HSD17B12: variants seen among roughly 807,000 people sequenced by gnomAD.
The protein encoded by HSD17B12 is hydroxysteroid 17-beta dehydrogenase 12.
HSD17B12 carries 32 observed loss-of-function variants against 39.3 expected under a neutral mutation model. The observed-to-expected ratio is 0.81, with a 90% CI of 0.61 to 1.09. HSD17B12 has a LOEUF of 1.09. Among genes scored for constraint, HSD17B12 ranks in the 50% least tolerant of loss-of-function variants. The pLI is 0.00. For synonymous variants in HSD17B12, 150 were observed against 146.7 expected (o/e 1.02, Z -0.16); for missense variants, 342 against 382.9 (o/e 0.89, Z 0.89).
chr11:43,718,778 C>T (rs1950149319), intron 1 of HSD17B12: 2 of 1,148,612 alleles, frequency 1.7e-6, no homozygotes, highest in East Asian at 2.3e-5. Flanking sequence ...TGTTCACAGC[C>T]ACAAAAAAAA....
At chr11:43,760,803 C>G (rs1427665910) in intron 3 of HSD17B12, among the ~76,000 whole-genome samples, 1 of 152,150 alleles carries the variant, frequency 6.6e-6, no homozygotes, top group Non-Finnish European at 1.5e-5. Flanking sequence ...TCTAATAAAA[C>G]TAAAACCACA....
chr11:43,692,919 G>A (rs116916353), intron 1 of HSD17B12, among the ~76,000 whole-genome samples: 6 of 152,036 alleles, frequency 3.9e-5, no homozygotes, highest in Non-Finnish European at 7.4e-5. Context: ...TTTGCTTCAT[G>A]GAAATAAATG....
intron 9 of HSD17B12, among the ~76,000 whole-genome samples, chr11:43,848,159 T>C (rs1339290292): frequency 6.6e-6 from 1 of 152,200 alleles, no homozygotes; most frequent in African/African-American, 2.4e-5. Context: ...GGGAGAGTTA[T>C]AAAGCAATAT....
At chr11:43,850,278 T>A (rs1344933709) in intron 9 of HSD17B12, among the ~76,000 whole-genome samples, 1 of 152,184 alleles carries the variant, frequency 6.6e-6, no homozygotes, top group African/African-American at 2.4e-5. Flanking sequence ...GGTGTATAAT[T>A]ATTTAAGTTT....
chr11:43,624,071 C>T, the HSD17B12 span, among the ~76,000 whole-genome samples: 3 of 151,890 alleles, frequency 2.0e-5, no homozygotes, highest in South Asian at 4.2e-4. Context: ...AAAAAATCTT[C>T]TACCTAAAAA....
chr11:43,730,336 T>C (rs1260543238), intron 1 of HSD17B12, among the ~76,000 whole-genome samples: 1 of 152,218 alleles, frequency 6.6e-6, no homozygotes, highest in Non-Finnish European at 1.5e-5. Flanking sequence ...TAAAAAGATT[T>C]ATCTGGAAGT....
chr11:43,610,799 A>G, the HSD17B12 span, among the ~76,000 whole-genome samples: 1 of 152,142 alleles, frequency 6.6e-6, no homozygotes, highest in Non-Finnish European at 1.5e-5. Flanking sequence ...CATCAGTGGA[A>G]TGTGTGTGTG....
At chr11:43,575,471 A>T in the HSD17B12 span, among the ~76,000 whole-genome samples, 1 of 152,228 alleles carries the variant, frequency 6.6e-6, no homozygotes, top group African/African-American at 2.4e-5. The surrounding 1 kb of genome is among the most constrained non-coding windows in gnomAD (Gnocchi z 4.1). Flanking sequence ...GAGCGTGTGC[A>T]CGGCCGAGTT....
chr11:43,802,004 G>A (rs1366713861), intron 4 of HSD17B12, among the ~76,000 whole-genome samples: 1 of 147,328 alleles, frequency 6.8e-6, no homozygotes, highest in African/African-American at 2.5e-5. Flanking sequence ...TTTATTTTTT[G>A]AGACAGAGTC....
At chr11:43,695,573 C>A (rs372426095) in intron 1 of HSD17B12, among the ~76,000 whole-genome samples, 1 of 151,686 alleles carries the variant, frequency 6.6e-6, no homozygotes, top group Non-Finnish European at 1.5e-5. Context: ...AGCAAAACTT[C>A]GTCTCAAAAA....
At chr11:43,562,023 T>C in the HSD17B12 span, among the ~76,000 whole-genome samples, 13 of 152,214 alleles carry the variant, frequency 8.5e-5, no homozygotes, top group African/African-American at 3.1e-4. Context: ...TGTATGCTCT[T>C]GGGCAAATTA....
intron 6 of HSD17B12, among the ~76,000 whole-genome samples, chr11:43,824,301 C>T (rs1454198025): frequency 2.4e-4 from 37 of 152,162 alleles, no homozygotes; most frequent in Admixed American, 2.4e-3. Flanking sequence ...GTTCAATGTA[C>T]TCAAACAGAA....
chr11:43,816,363 T>C lies in HSD17B12; in HGVS notation c.473T>C (p.Ile158Thr). The change falls in exon 6 of 11, where the codon ATA becomes ACA. Residue 158 changes from isoleucine (I) to threonine (T), a missense_variant. Coordinates refer to ENST00000278353, the MANE Select transcript of HSD17B12 (RefSeq NM_016142.3). The stretch of plus-strand genomic sequence containing the variant: ...TTTTTGCAGGTGATCAAGAAAATGA[T>C]AAATATTAATATTCTTTCTGTTTGT... ...PDLDNVIKKM[I>T]NINILSVCKM... 3.3e-6 allele frequency: 5 copies of C among 1,514,914 alleles called. No individual in the cohort carries two copies. Among genetic ancestry groups the C allele is most frequent in the South Asian group, 1.2e-5 (1 of 82,020 alleles). The allele number at this position is 1,514,914 out of a possible 1,614,324, so 93.8% of individuals were successfully genotyped here. A position where few individuals can be genotyped will look rare whatever the true frequency, so the allele number is the denominator to read the frequency against.
At chr11:43,799,516 A>T (rs893683239) in intron 4 of HSD17B12, among the ~76,000 whole-genome samples, 24 of 152,186 alleles carry the variant, frequency 1.6e-4, no homozygotes, top group Non-Finnish European at 3.5e-4. Context: ...AGGAAAAAAA[A>T]TGGGCTTTGT....
intron 4 of HSD17B12, among the ~76,000 whole-genome samples, chr11:43,808,010 A>G (rs1321511312): frequency 1.3e-5 from 2 of 152,220 alleles, no homozygotes; most frequent in Non-Finnish European, 2.9e-5. Flanking sequence ...CCAGAATTAG[A>G]CGACTAGCAG....
In HSD17B12 at chr11:43,713,866, T is replaced by A. The variant is rs1197972871; in HGVS notation, c.160+32879T>A. The stretch of plus-strand genomic sequence containing the variant: ...TCATTGTGGTTTTGATTTGCATTTC[T>A]CTGATGGCTTGTGATGATGAGCATT... On this transcript the variant is annotated intron_variant, in intron 1 of 10. Transcript: ENST00000278353. Among the ~76,000 whole-genome samples the A allele has an allele frequency of 3.3e-5, 5 of 152,396 alleles. No homozygotes were observed. The South Asian group carries it at 6.2e-4, about 19-fold the overall frequency.
intron 7 of HSD17B12, among the ~76,000 whole-genome samples, chr11:43,837,437 G>T (rs576507920): frequency 6.6e-6 from 1 of 152,174 alleles, no homozygotes; most frequent in African/African-American, 2.4e-5. Flanking sequence ...AGATATGGTA[G>T]CTGTGACACT....
chr11:43,826,228 G>T (rs913756692), intron 6 of HSD17B12, among the ~76,000 whole-genome samples: 2 of 151,616 alleles, frequency 1.3e-5, no homozygotes, highest in African/African-American at 4.9e-5. Context: ...AACTACAGGC[G>T]CCCACCACCA....
intron 1 of HSD17B12, chr11:43,718,872 T>C (rs6485450): frequency 0.92 from 808,549 of 876,476 alleles, 374,297 homozygotes; most frequent in East Asian, 0.97. Context: ...AAAAGCACCC[T>C]CAGGAGAAAC....
Sources: allele counts gnomAD v4.1 joint callset (sites outside exome capture counted in the v4.1 genomes callset), GRCh38; gene constraint gnomAD v4.1.1; non-coding constraint Gnocchi (gnomAD v3.1); transcripts MANE v1.5; gene names NCBI Gene and HGNC (gene_info 2026-07-23, HGNC 2026-07-21).